EGFR: variants seen among roughly 807,000 people sequenced by gnomAD.
EGFR encodes the protein epidermal growth factor receptor.
In EGFR, 58 loss-of-function variants were observed where a neutral mutation model predicts 143.0. The ratio of observed to expected loss-of-function variants is 0.41; its 90% CI spans 0.33 to 0.50. The LOEUF (loss-of-function observed/expected upper bound fraction) is 0.50, where lower values mean the gene tolerates loss of function less well. Ranked by LOEUF, EGFR falls within the 20% of genes least tolerant of loss-of-function variation. The pLI, the probability that EGFR is intolerant of heterozygous loss-of-function variation, is 0.39. For missense variants in EGFR, 1,307 were observed against 1,579.0 expected, an observed-to-expected ratio of 0.83 and a Z score of 2.92; for synonymous variants, 613 against 594.4, an observed-to-expected ratio of 1.03 and a Z score of -0.45.
intron 17 of EGFR, 110 bp from the exon 18 acceptor site, chr7:55,173,811 C>T (rs2128953289): frequency 4.4e-6 from 7 of 1,578,426 alleles, no homozygotes; most frequent in Non-Finnish European, 6.1e-6. Context: ...GTCCTGGCAC[C>T]CAAGCCCATG....
intron 11 of EGFR, among the ~76,000 whole-genome samples, chr7:55,158,209 G>T (rs189231791): frequency 6.6e-6 from 1 of 152,278 alleles, no homozygotes; most frequent in Admixed American, 6.5e-5. Flanking sequence ...AGACTTTTTA[G>T]CACCACTCTT....
intron 19 of EGFR, among the ~76,000 whole-genome samples, chr7:55,178,980 G>A (rs542116009): frequency 6.6e-6 from 1 of 152,314 alleles, no homozygotes; most frequent in Non-Finnish European, 1.5e-5. Context: ...AGTCCCTGCT[G>A]GAATGTTGAA....
chr7:55,124,554 A>G (rs1793408199), intron 1 of EGFR, among the ~76,000 whole-genome samples: 1 of 152,210 alleles, frequency 6.6e-6, no homozygotes, highest in Non-Finnish European at 1.5e-5. Flanking sequence ...CTGCATTATC[A>G]TCATCTGCAA....
chr7:55,078,195 C>T (rs756958172), intron 1 of EGFR, among the ~76,000 whole-genome samples: 2 of 151,926 alleles, frequency 1.3e-5, no homozygotes, highest in African/African-American at 2.4e-5. Context: ...AGGAGCAAGG[C>T]GGCAGGGAGG....
chr7:55,064,883 C>T (rs970401851), intron 1 of EGFR, among the ~76,000 whole-genome samples: 3 of 152,166 alleles, frequency 2.0e-5, no homozygotes, highest in African/African-American at 7.2e-5. Context: ...AAATAACCTG[C>T]CACATATACC....
At chr7:55,152,495 A>G in intron 5 of EGFR, 51 bp from the exon 6 acceptor site, 3 of 1,534,422 alleles carry the variant, frequency 2.0e-6, no homozygotes, top group Non-Finnish European at 9.0e-7. Context: ...TCCCTGGGAA[A>G]TGATCCTACC....
At chr7:55,155,971 C>A (rs766682829) in intron 8 of EGFR, 25 bp downstream of exon 8, 1 of 1,570,340 alleles carries the variant, frequency 6.4e-7, no homozygotes, top group Non-Finnish European at 8.7e-7. Context: ...GGTGTGCGGA[C>A]GAGGCTTGTT....
rs202094220 is a variant in EGFR, at chr7:55,027,788, CTT to C, written c.88+8424_88+8425del. 1.8e-4 allele frequency among the ~76,000 whole-genome samples: 27 copies of C among 151,940 alleles called. No homozygotes were observed. The East Asian group carries it at 5.2e-3, about 29-fold the overall frequency. On this transcript the variant is annotated intron_variant, in intron 1 of 27. Coordinates refer to ENST00000275493, the MANE Select transcript of EGFR (RefSeq NM_005228.5). ...AAATCACACAACTCAGAAAATGTCCCTTAAATTAATTGAGCCATTGGTACTTG... is the reference window on the plus strand; with the variant it reads ...AAATCACACAACTCAGAAAATGTCCCAAATTAATTGAGCCATTGGTACTTG...
chr7:55,129,983 A>G (rs1389241511), intron 1 of EGFR, among the ~76,000 whole-genome samples: 2 of 152,174 alleles, frequency 1.3e-5, no homozygotes, highest in Non-Finnish European at 2.9e-5. Context: ...GAGCATGACT[A>G]TATGTATTTG....
At chr7:55,204,457 AAC>A (rs1362638604) in intron 27 of EGFR, among the ~76,000 whole-genome samples, 7 of 149,490 alleles carry the variant, frequency 4.7e-5, no homozygotes, top group South Asian at 2.1e-4. Flanking sequence ...ATATACACAC[AAC>A]ACACACAAAT....
chr7:55,191,659 G>T (rs755197307), intron 20 of EGFR, 60 bp from the exon 21 acceptor site: 6 of 1,608,562 alleles, frequency 3.7e-6, no homozygotes, highest in Non-Finnish European at 5.1e-6. Flanking sequence ...CCCTGAATTC[G>T]GATGCAGAGC....
At chr7:55,105,256 T>C (rs1792064345) in intron 1 of EGFR, among the ~76,000 whole-genome samples, 1 of 152,204 alleles carries the variant, frequency 6.6e-6, no homozygotes. Context: ...ACCACATACC[T>C]TTTGGTGTGG....
At chr7:55,089,395 G>A (rs1790966957) in intron 1 of EGFR, among the ~76,000 whole-genome samples, 1 of 152,166 alleles carries the variant, frequency 6.6e-6, no homozygotes, top group Non-Finnish European at 1.5e-5. Context: ...GATTTTCAAT[G>A]GAGGAATTTT....
intron 1 of EGFR, among the ~76,000 whole-genome samples, chr7:55,101,525 A>G (rs778780649): frequency 3.9e-5 from 6 of 152,204 alleles, no homozygotes; most frequent in Non-Finnish European, 8.8e-5. Flanking sequence ...CCTATCAGCC[A>G]GCCTGCATAC....
intron 15 of EGFR, chr7:55,170,814 A>C (rs1337373494): frequency 7.0e-7 from 1 of 1,421,222 alleles, no homozygotes; most frequent in Admixed American, 2.9e-5. Flanking sequence ...GCCCCAGTCC[A>C]TGCTTCTAGC....
At chr7:55,203,934 T>G (rs918425784) in intron 27 of EGFR, among the ~76,000 whole-genome samples, 1 of 151,110 alleles carries the variant, frequency 6.6e-6, no homozygotes, top group East Asian at 1.9e-4. Flanking sequence ...TCAAAATCTT[T>G]ATATATAAAA....
intron 15 of EGFR, among the ~76,000 whole-genome samples, chr7:55,166,138 C>G (rs933073986): frequency 6.6e-6 from 1 of 151,674 alleles, no homozygotes; most frequent in African/African-American, 2.4e-5. Flanking sequence ...GCACCAAGAG[C>G]GAAACTCTGT....
chr7:55,065,733 T>C (rs1789456688), intron 1 of EGFR, among the ~76,000 whole-genome samples: 1 of 151,760 alleles, frequency 6.6e-6, no homozygotes, highest in Non-Finnish European at 1.5e-5. Context: ...CAGAGAAAAG[T>C]GGCCATTTTA....
chr7:55,095,976 C>A (rs1036286891), intron 1 of EGFR, among the ~76,000 whole-genome samples: 3 of 150,108 alleles, frequency 2.0e-5, no homozygotes, highest in Non-Finnish European at 4.4e-5. Flanking sequence ...CACACAGACA[C>A]GGGCACACAC....
Sources: gnomAD v4.1 joint callset for allele counts (sites outside exome capture counted in the v4.1 genomes callset) on GRCh38, gnomAD v4.1.1 for gene constraint, MANE v1.5 for transcripts, NCBI Gene and HGNC (gene_info 2026-07-23, HGNC 2026-07-21) for gene names.